The following NCK2 variants were observed in gnomAD, a reference collection of about 807,000 sequenced individuals.
NCK2 encodes the protein cytoplasmic protein NCK2.
NCK2 carries 16 observed loss-of-function variants against 33.9 expected under a neutral mutation model. That is an observed-to-expected ratio of 0.47 (90% CI 0.32 to 0.72). NCK2 has a LOEUF of 0.72. Among genes scored for constraint, NCK2 ranks in the 30% least tolerant of loss-of-function variants. The probability of loss-of-function intolerance (pLI) is 0.03; values close to 1 mark genes in which losing one functional copy is unlikely to be tolerated. For synonymous variants in NCK2, 273 were observed against 239.9 expected, an observed-to-expected ratio of 1.14 and a Z score of -1.27; for missense variants, 418 against 537.3, an observed-to-expected ratio of 0.78 and a Z score of 2.19.
intron 3 of NCK2, among the ~76,000 whole-genome samples, chr2:105,872,104 A>G (rs1678040003): frequency 6.6e-6 from 1 of 152,246 alleles, no homozygotes; most frequent in South Asian, 2.1e-4. Flanking sequence ...ATTTTCTGCC[A>G]GCAGGACACT....
At chr2:105,808,655 G>A (rs4851092) in intron 1 of NCK2, among the ~76,000 whole-genome samples, 125,006 of 152,184 alleles carry the variant, frequency 0.82, 51,422 homozygotes, top group East Asian at 0.88. Context: ...AGCGTCTTCA[G>A]TGCATTGTCA....
intron 4 of NCK2, among the ~76,000 whole-genome samples, chr2:105,884,105 T>G (rs1678620680): frequency 6.6e-6 from 1 of 152,206 alleles, no homozygotes; most frequent in Non-Finnish European, 1.5e-5. Flanking sequence ...GTGTGGCTTC[T>G]TTTCTCCTGA....
Position 105,893,254 on chromosome 2 carries a change from C to T in NCK2, c.*78C>T. On this transcript the variant is annotated 3_prime_UTR_variant, in exon 5 of 5. Coordinates refer to ENST00000233154, the MANE Select transcript of NCK2 (RefSeq NM_003581.5). ...CCGGCCTTGTGGCAGAGGCTCCTCC[C>T]GCGGGGACGGCCCCGACGGCTTCTC... The T allele has an allele frequency of 7.2e-7, 1 of 1,381,204 alleles. No homozygotes were observed. The highest frequency in any genetic ancestry group is 2.4e-5 in the Admixed American group (1 of 42,090). The allele number at this position is 1,381,204 out of a possible 1,614,324, so 85.6% of individuals were successfully genotyped here.
In NCK2 at chr2:105,839,966, T is replaced by C. The variant is rs556878902; in HGVS notation, c.-16-15082T>C. Among the ~76,000 whole-genome samples, 14 of 152,308 alleles carry C rather than the reference T, an allele frequency of 9.2e-5. No homozygotes were observed. The South Asian group carries it at 1.7e-3, about 18-fold the overall frequency. On this transcript the variant is annotated intron_variant, in intron 2 of 4. Transcript: ENST00000233154. ...CCCAGAAAGGCTGGTCAGCAGTGTC[T>C]GCTGTAGTGGACATGCAGGTAACAA...
intron 3 of NCK2, among the ~76,000 whole-genome samples, chr2:105,873,524 A>G (rs1452427173): frequency 6.6e-6 from 1 of 152,124 alleles, no homozygotes; most frequent in Non-Finnish European, 1.5e-5. Context: ...CCTCACTCCC[A>G]CACCCAAAAC....
At chr2:105,797,399 A>G (rs868462889) in intron 1 of NCK2, among the ~76,000 whole-genome samples, 22 of 152,300 alleles carry the variant, frequency 1.4e-4, no homozygotes, top group African/African-American at 5.1e-4. Context: ...GCGGTTCCAT[A>G]TTGTGCAATG....
chr2:105,851,035 CAA>C (rs1677044967), intron 2 of NCK2, among the ~76,000 whole-genome samples: 1 of 152,160 alleles, frequency 6.6e-6, no homozygotes, highest in Non-Finnish European at 1.5e-5. Flanking sequence ...CCTGTGTTGG[CAA>C]AGAGAGAAAA....
intron 1 of NCK2, among the ~76,000 whole-genome samples, chr2:105,773,192 C>T (rs2104385108): frequency 6.6e-6 from 1 of 152,118 alleles, no homozygotes; most frequent in Middle Eastern, 3.4e-3. Flanking sequence ...AGCCACCTAC[C>T]ATCTGGCCGT....
At chr2:105,770,809 A>G (rs1416757203) in intron 1 of NCK2, among the ~76,000 whole-genome samples, 11 of 59,978 alleles carry the variant, frequency 1.8e-4, no homozygotes. Context: ...CAGATCCAGG[A>G]AGTCATTTTG....
intron 2 of NCK2, among the ~76,000 whole-genome samples, chr2:105,849,764 T>C (rs1438707139): frequency 6.6e-6 from 1 of 152,202 alleles, no homozygotes; most frequent in Non-Finnish European, 1.5e-5. Flanking sequence ...AGGAACCTGG[T>C]GCTTAGAAAA....
At chr2:105,815,564 T>G (rs140403010) in intron 1 of NCK2, among the ~76,000 whole-genome samples, 197 of 152,282 alleles carry the variant, frequency 1.3e-3, no homozygotes, top group African/African-American at 4.3e-3. Flanking sequence ...TGAAAATACT[T>G]ACCAAGTGCA....
chr2:105,835,388 C>CGT, intron 2 of NCK2, among the ~76,000 whole-genome samples: 28,270 of 50,044 alleles, frequency 0.56, 8,145 homozygotes, highest in South Asian at 0.64. Context: ...TATATATACA[C>CGT]ATATATATAT....
At chr2:105,890,573 C>T (rs1678928583) in intron 4 of NCK2, among the ~76,000 whole-genome samples, 3 of 152,350 alleles carry the variant, frequency 2.0e-5, no homozygotes, top group South Asian at 2.1e-4. Flanking sequence ...CTGGGCCTCA[C>T]ATGGGGATGA....
intron 4 of NCK2, among the ~76,000 whole-genome samples, chr2:105,889,341 G>T (rs370420780): frequency 6.6e-6 from 1 of 152,234 alleles, no homozygotes; most frequent in South Asian, 2.1e-4. Flanking sequence ...GGGCTGCTTT[G>T]CCCATAAATG....
chr2:105,815,719 A>G (rs1433971709), intron 1 of NCK2, among the ~76,000 whole-genome samples: 1 of 152,156 alleles, frequency 6.6e-6, no homozygotes, highest in Non-Finnish European at 1.5e-5. Flanking sequence ...GCCCAAGGCT[A>G]TGGGTCCGGT....
At chr2:105,885,191 G>C (rs558288699) in intron 4 of NCK2, among the ~76,000 whole-genome samples, 44 of 152,314 alleles carry the variant, frequency 2.9e-4, no homozygotes, top group African/African-American at 1.0e-3. Flanking sequence ...TGCAGAGCTG[G>C]CCTGCAAGTG....
intron 1 of NCK2, among the ~76,000 whole-genome samples, chr2:105,773,553 C>T (rs1690204651): frequency 6.6e-6 from 1 of 152,162 alleles, no homozygotes; most frequent in South Asian, 2.1e-4. Flanking sequence ...TACTTCATGT[C>T]TTTCCTTCCC....
chr2:105,842,421 C>T (rs1676683563), intron 2 of NCK2, among the ~76,000 whole-genome samples: 1 of 152,042 alleles, frequency 6.6e-6, no homozygotes, highest in Non-Finnish European at 1.5e-5. Context: ...AAATCCTAAA[C>T]ACTGAGGAAA....
intron 1 of NCK2, among the ~76,000 whole-genome samples, chr2:105,789,544 A>G (rs796882000): frequency 8.5e-5 from 13 of 152,232 alleles, no homozygotes; most frequent in African/African-American, 3.1e-4. Flanking sequence ...CACATAAGAG[A>G]GTTCTTTCTA....
Sources: gnomAD v4.1 joint callset for allele counts (sites outside exome capture counted in the v4.1 genomes callset) on GRCh38, gnomAD v4.1.1 for gene constraint, MANE v1.5 for transcripts, NCBI Gene and HGNC (gene_info 2026-07-23, HGNC 2026-07-21) for gene names.